The following CPED1 variants were observed in gnomAD, a reference collection of about 807,000 sequenced individuals.
The protein encoded by CPED1 is cadherin-like and PC-esterase domain-containing protein 1.
In CPED1, 114 loss-of-function variants were observed where a neutral mutation model predicts 128.2. That is an observed-to-expected ratio of 0.89 (90% CI 0.76 to 1.04). The LOEUF (loss-of-function observed/expected upper bound fraction) is 1.04, where lower values mean the gene tolerates loss of function less well. Among genes scored for constraint, CPED1 ranks in the 50% least tolerant of loss-of-function variants. CPED1 has a pLI of 0.00. For synonymous variants in CPED1, 462 were observed against 426.7 expected, an observed-to-expected ratio of 1.08 and a Z score of -1.02; for missense variants, 1,211 against 1,207.1, an observed-to-expected ratio of 1.00 and a Z score of -0.05.
intron 3 of CPED1, among the ~76,000 whole-genome samples, chr7:121,035,668 C>T (rs1039605448): frequency 2.0e-5 from 3 of 151,630 alleles, no homozygotes; most frequent in Non-Finnish European, 2.9e-5. Context: ...ACCCCTGTCT[C>T]TACAAAAAAT....
chr7:121,130,443 C>CAG lies in CPED1; in HGVS notation c.1577+150_1577+151insGA. 15 of 611,550 alleles carry CAG rather than the reference C, an allele frequency of 2.5e-5. No homozygotes were observed. In the South Asian group the frequency reaches 3.4e-4, roughly 14 times the overall value. The allele number at this position is 611,550 out of a possible 1,614,324, so 37.9% of individuals were successfully genotyped here. A position where few individuals can be genotyped will look rare whatever the true frequency, so the allele number is the denominator to read the frequency against. On this transcript the variant is annotated intron_variant, in intron 12 of 22. Coordinates refer to ENST00000310396, the MANE Select transcript of CPED1 (RefSeq NM_024913.5). The stretch of plus-strand genomic sequence containing the variant: ...GCTCAGGAAAATAAATGTCTTTAAA[C>CAG]ATTGAAACCATAATGATTCTAGTGG...
intron 7 of CPED1, among the ~76,000 whole-genome samples, chr7:121,109,440 T>C (rs914039232): frequency 1.3e-5 from 2 of 152,162 alleles, no homozygotes; most frequent in African/African-American, 4.8e-5. Flanking sequence ...GAAGCAAGTC[T>C]TTAAAATTTA....
Position 120,991,023 on chromosome 7 carries a change from C to A in CPED1, c.249+1153C>A, listed in dbSNP as rs113334021. Reference sequence around the variant, plus strand: ...GGTTAGCATTATGACAAGATGCATCCCCAGAGCAATAGCTATCAAGCTGCT... The same window carrying A: ...GGTTAGCATTATGACAAGATGCATCACCAGAGCAATAGCTATCAAGCTGCT... On this transcript the variant is annotated intron_variant, in intron 2 of 22. Coordinates refer to ENST00000310396, the MANE Select transcript of CPED1 (RefSeq NM_024913.5). Among the ~76,000 whole-genome samples, 317 of 152,256 alleles carry A rather than the reference C, an allele frequency of 2.1e-3. 2 individuals are homozygous for A. The highest frequency in any genetic ancestry group is 7.3e-3 in the African/African-American group (305 of 41,536).
At chr7:121,041,517 A>G (rs1015696621) in intron 3 of CPED1, among the ~76,000 whole-genome samples, 2 of 152,310 alleles carry the variant, frequency 1.3e-5, no homozygotes, top group African/African-American at 4.8e-5. Context: ...GAGAATAAAC[A>G]GCATTTGATG....
At chr7:121,188,991 TC>T (rs1302795770) in intron 16 of CPED1, among the ~76,000 whole-genome samples, 4 of 152,146 alleles carry the variant, frequency 2.6e-5, no homozygotes, top group African/African-American at 9.7e-5. Context: ...TAACCTTGCT[TC>T]CCATTTGTCG....
intron 22 of CPED1, among the ~76,000 whole-genome samples, chr7:121,291,569 A>G (rs1396675788): frequency 2.0e-5 from 3 of 152,172 alleles, no homozygotes; most frequent in Non-Finnish European, 4.4e-5. Flanking sequence ...GCAATTGTGA[A>G]TAGGAGTTCA....
At chr7:121,100,342 T>G (rs143973136) in intron 7 of CPED1, among the ~76,000 whole-genome samples, 67 of 152,314 alleles carry the variant, frequency 4.4e-4, no homozygotes, top group Non-Finnish European at 8.1e-4. Flanking sequence ...ATAGTTCAAT[T>G]CTTTGATCTA....
chr7:121,174,688 A>T (rs556145474), intron 16 of CPED1, among the ~76,000 whole-genome samples: 1 of 152,156 alleles, frequency 6.6e-6, no homozygotes, highest in East Asian at 1.9e-4. Context: ...TTTGCTTAGA[A>T]TTACCTTGGT....
At chr7:121,147,552 CT>C (rs1796052744) in intron 16 of CPED1, among the ~76,000 whole-genome samples, 2 of 152,086 alleles carry the variant, frequency 1.3e-5, no homozygotes, top group African/African-American at 4.8e-5. Flanking sequence ...GGGAATGTTT[CT>C]TTTAATACCC....
intron 22 of CPED1, among the ~76,000 whole-genome samples, chr7:121,274,891 T>G (rs1376425293): frequency 2.0e-5 from 3 of 152,132 alleles, no homozygotes; most frequent in African/African-American, 7.2e-5. Context: ...CTCTCATGTC[T>G]AAAAAGTTAA....
chr7:120,992,249 T>C (rs182813728), intron 2 of CPED1, among the ~76,000 whole-genome samples: 2 of 152,324 alleles, frequency 1.3e-5, no homozygotes, highest in South Asian at 2.1e-4. Flanking sequence ...AGTAGCATTG[T>C]TTCTATCTGT....
Position 121,020,589 on chromosome 7 carries a change from C to G in CPED1, c.433+4741C>G, listed in dbSNP as rs146876867. The stretch of plus-strand genomic sequence containing the variant: ...AGGACTGAGATGTTTCATTTTTTAA[C>G]TTACACCAAATCTTATTCAAAAAGG... On this transcript the variant is annotated intron_variant, in intron 3 of 22. Coordinates refer to ENST00000310396, the MANE Select transcript of CPED1 (RefSeq NM_024913.5). Among the ~76,000 whole-genome samples the G allele has an allele frequency of 7.3e-3, 1,108 of 151,970 alleles. 6 individuals carry two copies. The highest frequency in any genetic ancestry group is 0.03 in the South Asian group (147 of 4,824).
intron 7 of CPED1, among the ~76,000 whole-genome samples, chr7:121,112,047 A>G (rs533478721): frequency 1.4e-4 from 22 of 152,254 alleles, no homozygotes; most frequent in African/African-American, 4.8e-4. Flanking sequence ...CACTGGGATG[A>G]CTTGGCCATG....
rs201842531 is a variant in CPED1, at chr7:121,047,646, T to TTTCTTCTTCTTC, written c.540+713_540+724dup. On this transcript the variant is annotated intron_variant, in intron 4 of 22. Transcript: ENST00000310396. ...TACAATTCGCCATCTAGATAGCACC[T>TTTCTTCTTCTTC]TTCTTCTTCTTCTTCTTCTTCTTCT... 3.2e-3 allele frequency among the ~76,000 whole-genome samples: 390 copies of TTTCTTCTTCTTC among 123,054 alleles called. 5 individuals carry two copies. The highest frequency in any genetic ancestry group is 0.012 in the East Asian group (55 of 4,408). 80.7% of individuals were successfully genotyped at this position (123,054 alleles called of 152,430 possible). A position where few individuals can be genotyped will look rare whatever the true frequency, so the allele number is the denominator to read the frequency against.
chr7:121,044,756 T>C (rs577220303), intron 3 of CPED1, among the ~76,000 whole-genome samples: 1 of 150,856 alleles, frequency 6.6e-6, no homozygotes, highest in Non-Finnish European at 1.5e-5. Flanking sequence ...TAAATGTGTC[T>C]TCCCATTTTA....
At chr7:121,201,175 T>C (rs1344440740) in intron 16 of CPED1, among the ~76,000 whole-genome samples, 1 of 152,084 alleles carries the variant, frequency 6.6e-6, no homozygotes, top group Non-Finnish European at 1.5e-5. Context: ...CTAGAAAATG[T>C]ACTTTTCTAT....
At chr7:121,207,088 C>T (rs1797535487) in intron 16 of CPED1, among the ~76,000 whole-genome samples, 1 of 151,902 alleles carries the variant, frequency 6.6e-6, no homozygotes, top group Non-Finnish European at 1.5e-5. Flanking sequence ...TTACCTTCCT[C>T]TTTTAAATGA....
intron 7 of CPED1, among the ~76,000 whole-genome samples, chr7:121,120,624 C>T (rs549623275): frequency 1.2e-3 from 176 of 152,098 alleles, no homozygotes; most frequent in African/African-American, 4.0e-3. Context: ...TTTGAAAAAC[C>T]CTAATATTAG....
chr7:121,164,845 T>C (rs1796488633), intron 16 of CPED1, among the ~76,000 whole-genome samples: 1 of 152,218 alleles, frequency 6.6e-6, no homozygotes, highest in Non-Finnish European at 1.5e-5. Flanking sequence ...ACCAAGGAGA[T>C]AGTTTTATTA....
Sources: allele counts gnomAD v4.1 joint callset (sites outside exome capture counted in the v4.1 genomes callset), GRCh38; gene constraint gnomAD v4.1.1; transcripts MANE v1.5; gene names NCBI Gene and HGNC (gene_info 2026-07-23, HGNC 2026-07-21).